The following ABCF3 variants were observed in gnomAD, a reference collection of about 807,000 sequenced individuals.
ABCF3 encodes ATP-binding cassette sub-family F member 3.
In ABCF3, 62 loss-of-function variants were observed where a neutral mutation model predicts 94.3. That is an observed-to-expected ratio of 0.66 (90% confidence interval 0.54 to 0.81). The LOEUF (loss-of-function observed/expected upper bound fraction) is 0.81, where lower values mean the gene tolerates loss of function less well. ABCF3 is among the 40% of genes least tolerant of loss of function. The probability of loss-of-function intolerance (pLI) is 0.00; values close to 1 mark genes in which losing one functional copy is unlikely to be tolerated. For synonymous variants in ABCF3, 355 were observed against 361.1 expected (o/e 0.98, Z 0.19); for missense variants, 843 against 925.3 (o/e 0.91, Z 1.15).
At position 184,186,237 on chromosome 3, in the gene ABCF3, C is replaced by T. The variant is rs145190425; in HGVS notation, c.30C>T (p.Ser10=). ...CGACTTGCGCCGAAATCCTGCGGAG[C>T]GAGTTCCCCGAAATTGACGGACAAG... is the stretch of plus-strand genomic sequence containing the variant. The part of the protein sequence containing the change: MATCAEILR[S]EFPEIDGQVF... The change falls in exon 1 of 21, where the codon AGC becomes AGT. Residue 10 remains serine (S), a synonymous_variant. Transcript: ENST00000429586. The T allele has an allele frequency of 1.9e-6, 3 of 1,614,226 alleles. No individual in the cohort carries two copies. Among genetic ancestry groups the T allele is most frequent in the Admixed American group, 1.7e-5 (1 of 60,038 alleles).
Position 184,188,056 on chromosome 3 carries a change from G to A in ABCF3, c.569+73G>A, listed in dbSNP as rs1028690835. On this transcript the variant is annotated intron_variant, in intron 6 of 20. Coordinates refer to ENST00000429586, the MANE Select transcript of ABCF3 (RefSeq NM_018358.3). The stretch of plus-strand genomic sequence containing the variant: ...GGACAATTTGGAGAGGTGAAACGGG[G>A]CTATAAACAATGTTAGGTTTGTCAT... 10 of 1,612,198 alleles carry A rather than the reference G, an allele frequency of 6.2e-6. No homozygotes were observed. In the African/African-American group the frequency reaches 1.3e-4, roughly 22 times the overall value.
Position 184,188,738 on chromosome 3 carries a change from A to C in ABCF3, c.837-23A>C, listed in dbSNP as rs373175449. On this transcript the variant is annotated intron_variant, in intron 7 of 20. Coordinates refer to ENST00000429586, the MANE Select transcript of ABCF3 (RefSeq NM_018358.3). ...TCCTAGACTGCCCCTGCTTAGGCCAATTGCTGTTTCTCCTCCCTCCAGGGC... is the reference window on the plus strand; with the variant it reads ...TCCTAGACTGCCCCTGCTTAGGCCACTTGCTGTTTCTCCTCCCTCCAGGGC... The C allele has an allele frequency of 1.9e-6, 3 of 1,613,014 alleles. No individual in the cohort carries two copies. The South Asian group carries it at 3.3e-5, about 18-fold the overall frequency.
At chr3:184,192,920 G>A in intron 18 of ABCF3, 24 bp downstream of exon 18, 1 of 1,612,642 alleles carries the variant, frequency 6.2e-7, no homozygotes, top group Non-Finnish European at 8.5e-7. Flanking sequence ...TTGAGTCGGG[G>A]GAAGAGTTTG....
At chr3:184,187,317 G>T in intron 3 of ABCF3, 80 bp from the exon 4 acceptor site, 1 of 1,523,226 alleles carries the variant, frequency 6.6e-7, no homozygotes, top group Non-Finnish European at 9.1e-7. Flanking sequence ...CTGTGTCTGT[G>T]CCTGGTTCCT....
chr3:184,187,726 C>T lies in ABCF3; in HGVS notation c.411C>T (p.Arg137=). The change falls in exon 5 of 21, where the codon CGC becomes CGT. Residue 137 remains arginine, a synonymous_variant. Coordinates refer to ENST00000429586, the MANE Select transcript of ABCF3 (RefSeq NM_018358.3). The part of the protein sequence containing the change: ...EARLKAKQEK[R]SEKDTLKTSN... ...GACTTAAGGCAAAGCAGGAGAAGCG[C>T]TCAGAGAAGGACACGCTCAAGACCA... The T allele has an allele frequency of 6.2e-7, 1 of 1,614,156 alleles. No homozygotes were observed. Among genetic ancestry groups the T allele is most frequent in the Non-Finnish European group, 8.5e-7 (1 of 1,180,024 alleles).
chr3:184,186,224 A>G lies in ABCF3; in HGVS notation c.17A>G (p.Glu6Gly). ...GAGTGGAACATGGCGACTTGCGCCG[A>G]AATCCTGCGGAGCGAGTTCCCCGAA... MATCA[E>G]ILRSEFPEID... The change falls in exon 1 of 21, where the codon GAA (glutamate) becomes GGA (glycine). Residue 6 changes from glutamate (E) to glycine (G), a missense_variant. By Grantham distance (98) the Glu-to-Gly change is moderately conservative. Coordinates refer to ENST00000429586, the MANE Select transcript of ABCF3 (RefSeq NM_018358.3). 6.2e-7 allele frequency: 1 copy of G among 1,614,182 alleles called. No individual in the cohort carries two copies.
At chr3:184,191,604 T>C (rs1716025631) in intron 16 of ABCF3, among the ~76,000 whole-genome samples, 1 of 152,184 alleles carries the variant, frequency 6.6e-6, no homozygotes. Flanking sequence ...ATTTCCTAGC[T>C]TGGTTACCAA....
Position 184,189,975 on chromosome 3 carries a change from C to T in ABCF3, c.1391+44C>T, listed in dbSNP as rs200120782. 89 of 1,602,632 alleles carry T rather than the reference C, an allele frequency of 5.6e-5. No individual in the cohort carries two copies. In the African/African-American group the frequency reaches 7.9e-4, roughly 14 times the overall value. ...GCCAGGGCCTGACTCCTGTTCTCTT[C>T]GTCTCCTTCCGCATTTGCACGCCAC... is the stretch of plus-strand genomic sequence containing the variant. On this transcript the variant is annotated intron_variant, in intron 14 of 20. Transcript: ENST00000429586.
At position 184,193,741 on chromosome 3, in the gene ABCF3, T is replaced by G. The variant is rs1206638853; in HGVS notation, c.*43T>G. On this transcript the variant is annotated 3_prime_UTR_variant, in exon 21 of 21. Coordinates refer to ENST00000429586, the MANE Select transcript of ABCF3 (RefSeq NM_018358.3). The surrounding 1 kb of genome is among the most constrained non-coding windows in gnomAD (Gnocchi z 5.2). ...CTCGCCCAGGACATGGACTGGTCTC[T>G]CAGACCCCTGGGCCACCATGTAGGC... 2.0e-6 allele frequency: 3 copies of G among 1,531,022 alleles called. No homozygotes were observed. The South Asian group carries it at 3.7e-5, about 19-fold the overall frequency. The allele number at this position is 1,531,022 out of a possible 1,614,324, so 94.8% of individuals were successfully genotyped here.
rs375815517 is a variant in ABCF3 at position 184,193,515 on chromosome 3, C to T, written c.1972-25C>T. ...TCGGTGCCTCTTGTGTCCCCCTGAG[C>T]ACCTCCTGCCCTCCTGTCTTTCAGG... On this transcript the variant is annotated intron_variant, in intron 20 of 20. Transcript: ENST00000429586. This position sits in a 1 kb window ranked among gnomAD's most constrained non-coding sequence, Gnocchi z 5.2. 3.1e-6 allele frequency: 5 copies of T among 1,614,042 alleles called. No homozygotes were observed. The African/African-American group carries it at 4.0e-5, about 13-fold the overall frequency.
chr3:184,189,816 G>T (rs779417923), intron 13 of ABCF3, 39 bp from the exon 14 acceptor site: 5 of 1,614,054 alleles, frequency 3.1e-6, no homozygotes, highest in Non-Finnish European at 4.2e-6. Context: ...GGGGGATAGT[G>T]GGGGAATTTG....
chr3:184,186,747 G>A (rs1715647280), intron 2 of ABCF3, 49 bp from the exon 3 acceptor site: 2 of 1,600,128 alleles, frequency 1.2e-6, no homozygotes, highest in East Asian at 2.2e-5. Context: ...TGGCCATAGA[G>A]CTTTTCCCTC....
chr3:184,187,469 G>A, intron 4 of ABCF3, 26 bp downstream of exon 4: 1 of 1,607,766 alleles, frequency 6.2e-7, no homozygotes, highest in Non-Finnish European at 8.5e-7. Context: ...CAAGGGAGGG[G>A]ACTGTCTGTG....
chr3:184,187,499 G>C lies in ABCF3; in HGVS notation c.348+56G>C, dbSNP rs1488272488. 1.6e-4 allele frequency: 257 copies of C among 1,576,490 alleles called. 2 individuals carry two copies. In the South Asian group the frequency reaches 2.6e-3, roughly 16 times the overall value. ...TCTGTGATGGGGTTGGGAGTTGACTGTCTAATTGGAGTATCTTTTGGGGGG... is the reference window on the plus strand; with the variant it reads ...TCTGTGATGGGGTTGGGAGTTGACTCTCTAATTGGAGTATCTTTTGGGGGG... On this transcript the variant is annotated intron_variant, in intron 4 of 20. Coordinates refer to ENST00000429586, the MANE Select transcript of ABCF3 (RefSeq NM_018358.3).
rs1285488021 is a variant in ABCF3 at position 184,187,658 on chromosome 3, C to T, written c.349-6C>T. 1.9e-6 allele frequency: 3 copies of T among 1,614,048 alleles called. No homozygotes were observed. Among genetic ancestry groups the T allele is most frequent in the African/African-American group, 2.7e-5 (2 of 74,988 alleles). ...GAGAGTGAAGTCGATGTGTTTGGAC[C>T]CTTAGACAGTGAATGCAAAGAAGTT... On this transcript the variant is annotated splice_region_variant and splice_polypyrimidine_tract_variant and intron_variant, in intron 4 of 20. Coordinates refer to ENST00000429586, the MANE Select transcript of ABCF3 (RefSeq NM_018358.3).
intron 4 of ABCF3, 55 bp from the exon 5 acceptor site, chr3:184,187,609 G>C: frequency 1.3e-6 from 2 of 1,597,352 alleles, no homozygotes; most frequent in Non-Finnish European, 1.7e-6. Context: ...TTCTCTCTTG[G>C]GGTTCCTTTC....
At position 184,193,440 on chromosome 3, in the gene ABCF3, C is replaced by T. The variant is rs773550936; in HGVS notation, c.1959C>T (p.Leu653=). 2.5e-6 allele frequency: 4 copies of T among 1,614,058 alleles called. No individual in the cohort carries two copies. The highest frequency in any genetic ancestry group is 3.4e-6 in the Non-Finnish European group (4 of 1,180,036). Residue 653 remains leucine, a synonymous_variant, in exon 20 of 21, where the codon CTC becomes CTT. Coordinates refer to ENST00000429586, the MANE Select transcript of ABCF3 (RefSeq NM_018358.3). This position sits in a 1 kb window ranked among gnomAD's most constrained non-coding sequence, Gnocchi z 5.2. ...CCATTGAGGCTCTGGGCCGTGCCCT[C>T]AACAATTTCAGGGTGAGTGTGCCTT... ...METIEALGRA[L]NNFRGGVILV... is the part of the protein sequence containing the mutation.
intron 1 of ABCF3, 111 bp from the exon 2 acceptor site, chr3:184,186,396 C>A: frequency 6.3e-7 from 1 of 1,583,230 alleles, no homozygotes; most frequent in Non-Finnish European, 8.6e-7. Flanking sequence ...ACCTCTTGTC[C>A]CGGGGGCTGG....
intron 16 of ABCF3, among the ~76,000 whole-genome samples, chr3:184,191,742 AGAGTTC>A (rs1716038204): frequency 2.1e-5 from 1 of 47,730 alleles, no homozygotes; most frequent in African/African-American, 9.9e-5. Flanking sequence ...CTGTAGAGTT[AGAGTTC>A]CTTTTTTTTT....
Sources: gnomAD v4.1 joint callset for allele counts (sites outside exome capture counted in the v4.1 genomes callset) on GRCh38, gnomAD v4.1.1 for gene constraint, Gnocchi (gnomAD v3.1) non-coding constraint, MANE v1.5 for transcripts, NCBI Gene and HGNC (gene_info 2026-07-23, HGNC 2026-07-21) for gene names.